MYT1L: variants seen among roughly 807,000 people sequenced by gnomAD.
MYT1L encodes myelin transcription factor 1 like.
A neutral mutation model predicts 126.7 loss-of-function variants in MYT1L; 12 were observed. The ratio of observed to expected loss-of-function variants is 0.09; its 90% CI spans 0.06 to 0.15. The LOEUF (loss-of-function observed/expected upper bound fraction) is 0.15. MYT1L is among the 10% of genes least tolerant of loss of function. The pLI is 1.00. For missense variants in MYT1L, 979 were observed against 1,585.2 expected (o/e 0.62, Z 6.49); for synonymous variants, 541 against 604.2 (o/e 0.90, Z 1.53).
chr2:1,803,028 AC>A (rs1453768665), intron 22 of MYT1L, among the ~76,000 whole-genome samples: 1 of 152,042 alleles, frequency 6.6e-6, no homozygotes, highest in East Asian at 1.9e-4. Context: ...CACCCCAAAA[AC>A]CCTGCTGACA....
chr2:2,175,408 C>T (rs17247345), intron 2 of MYT1L, among the ~76,000 whole-genome samples: 15,472 of 152,086 alleles, frequency 0.1, 828 homozygotes, highest in East Asian at 0.13. Context: ...ACCTGAATCA[C>T]ACCTGTAGGA....
chr2:1,838,716 T>G (rs1263782575), intron 21 of MYT1L, among the ~76,000 whole-genome samples: 2 of 152,234 alleles, frequency 1.3e-5, no homozygotes, highest in East Asian at 3.8e-4. Context: ...TGGGGTTTTT[T>G]GGGAATGTTC....
At chr2:1,845,486 C>T (rs1053357204) in intron 19 of MYT1L, among the ~76,000 whole-genome samples, 1 of 152,090 alleles carries the variant, frequency 6.6e-6, no homozygotes, top group Non-Finnish European at 1.5e-5. Flanking sequence ...GATGATGTCC[C>T]CCGGCTGCTT....
In MYT1L at chr2:1,979,868, A is replaced by C; in HGVS notation, c.1-91T>G. The C allele has an allele frequency of 7.7e-7, 1 of 1,301,286 alleles. No homozygotes were observed. The highest frequency in any genetic ancestry group is 1.5e-5 in the African/African-American group (1 of 68,814). 80.6% of individuals were successfully genotyped at this position (1,301,286 alleles called of 1,614,324 possible). A position where few individuals can be genotyped will look rare whatever the true frequency, so the allele number is the denominator to read the frequency against. On this transcript the variant is annotated intron_variant, in intron 5 of 24. Coordinates refer to ENST00000647738, the MANE Select transcript of MYT1L (RefSeq NM_001303052.2). The surrounding 1 kb of genome is among the most constrained non-coding windows in gnomAD (Gnocchi z 4.0). The stretch of plus-strand genomic sequence containing the variant: ...GCTCACTCTCCCTGGCATTCTATTA[A>C]TGGGGCTTTAATCCTGTTTCCCTCC...
At chr2:2,102,344 A>C (rs373437522) in intron 3 of MYT1L, among the ~76,000 whole-genome samples, 2 of 152,164 alleles carry the variant, frequency 1.3e-5, no homozygotes, top group African/African-American at 4.8e-5. Context: ...ACATAGGTAA[A>C]TTTTCTTTTC....
intron 3 of MYT1L, among the ~76,000 whole-genome samples, chr2:2,100,621 T>C (rs2077955224): frequency 6.6e-6 from 1 of 152,184 alleles, no homozygotes; most frequent in South Asian, 2.1e-4. Flanking sequence ...TTAATATTTC[T>C]TTCAGTTTTG....
intron 23 of MYT1L, among the ~76,000 whole-genome samples, chr2:1,796,115 G>A (rs1295549059): frequency 2.6e-5 from 4 of 152,216 alleles, no homozygotes; most frequent in Non-Finnish European, 5.9e-5. Flanking sequence ...ACCACGTGAC[G>A]CTGTGTTGAA....
intron 2 of MYT1L, among the ~76,000 whole-genome samples, chr2:2,220,251 A>G (rs979855976): frequency 7.2e-5 from 11 of 152,202 alleles, no homozygotes; most frequent in Admixed American, 5.9e-4. Flanking sequence ...TTAGGAAGAC[A>G]TGAGACATCA....
chr2:2,056,142 A>G, intron 3 of MYT1L, among the ~76,000 whole-genome samples: 1 of 152,208 alleles, frequency 6.6e-6, no homozygotes, highest in East Asian at 1.9e-4. Flanking sequence ...GCACATTCAC[A>G]AATCATGGAG....
intron 21 of MYT1L, chr2:1,810,044 G>C (rs1024566142): frequency 3.9e-5 from 6 of 152,012 alleles, no homozygotes; most frequent in Non-Finnish European, 7.4e-5. Context: ...GGACGTGCTG[G>C]TCAACTGGAG....
At chr2:1,892,762 C>T (rs2049079680) in intron 14 of MYT1L, among the ~76,000 whole-genome samples, 1 of 152,164 alleles carries the variant, frequency 6.6e-6, no homozygotes, top group Admixed American at 6.5e-5. Context: ...AACCTGGATC[C>T]GCGGTCCCTT....
At chr2:1,823,657 G>A (rs1380619889) in intron 21 of MYT1L, among the ~76,000 whole-genome samples, 2 of 150,510 alleles carry the variant, frequency 1.3e-5, no homozygotes, top group Non-Finnish European at 3.0e-5. Flanking sequence ...GAGGAGCAGC[G>A]ATGAGGCTGA....
At position 1,797,595 on chromosome 2, in the gene MYT1L, A is replaced by G. The variant is rs375198943; in HGVS notation, c.3276+4101T>C. Among the ~76,000 whole-genome samples, 3 of 152,220 alleles carry G rather than the reference A, an allele frequency of 2.0e-5. No individual in the cohort carries two copies. The East Asian group carries it at 5.8e-4, about 29-fold the overall frequency. On this transcript the variant is annotated intron_variant, in intron 23 of 24. Coordinates refer to ENST00000647738, the MANE Select transcript of MYT1L (RefSeq NM_001303052.2). ...GACTCTTCTTTTCAAGCTGCCAAGC[A>G]TAAGAATGGATTTTTCAGCCACATA...
At chr2:1,904,545 A>G (rs371484247) in intron 13 of MYT1L, among the ~76,000 whole-genome samples, 1 of 147,510 alleles carries the variant, frequency 6.8e-6, no homozygotes, top group Admixed American at 6.8e-5. Flanking sequence ...ATTTTTTTGC[A>G]TTTTCAGTGG....
chr2:1,797,353 A>C (rs1445532036), intron 23 of MYT1L, among the ~76,000 whole-genome samples: 1 of 152,078 alleles, frequency 6.6e-6, no homozygotes, highest in African/African-American at 2.4e-5. Context: ...CCTCCCGAGT[A>C]CCTGGGACTA....
chr2:1,910,655 CTG>C lies in MYT1L; in HGVS notation c.1710-310_1710-309del, dbSNP rs1201840177. On this transcript the variant is annotated intron_variant, in intron 12 of 24. Coordinates refer to ENST00000647738, the MANE Select transcript of MYT1L (RefSeq NM_001303052.2). The surrounding 1 kb of genome is among the most constrained non-coding windows in gnomAD (Gnocchi z 4.8). ...TTCGGGAGGACATAGCTGGTGAAAA[CTG>C]TAGACAGATTCCATTTCTGGAGATG... Among the ~76,000 whole-genome samples the C allele has an allele frequency of 4.6e-5, 7 of 152,132 alleles. No homozygotes were observed. The highest frequency in any genetic ancestry group is 1.7e-4 in the African/African-American group (7 of 41,414).
intron 2 of MYT1L, among the ~76,000 whole-genome samples, chr2:2,205,909 A>G (rs2093296523): frequency 6.6e-6 from 1 of 152,098 alleles, no homozygotes; most frequent in Non-Finnish European, 1.5e-5. Flanking sequence ...ATAACGTTTT[A>G]CATTATGGCA....
chr2:2,028,300 C>G (rs949362626), intron 4 of MYT1L, among the ~76,000 whole-genome samples: 3 of 152,184 alleles, frequency 2.0e-5, no homozygotes, highest in Non-Finnish European at 2.9e-5. Context: ...GTGGAAAGAG[C>G]AGGAGGCTGT....
intron 2 of MYT1L, among the ~76,000 whole-genome samples, chr2:2,274,851 T>C (rs2095327316): frequency 6.6e-6 from 1 of 152,094 alleles, no homozygotes; most frequent in Non-Finnish European, 1.5e-5. Flanking sequence ...AGAGGCTGAC[T>C]CAAGCCAGCC....
Sources: allele counts gnomAD v4.1 joint callset (sites outside exome capture counted in the v4.1 genomes callset), GRCh38; gene constraint gnomAD v4.1.1; non-coding constraint Gnocchi (gnomAD v3.1); transcripts MANE v1.5; gene names NCBI Gene and HGNC (gene_info 2026-07-23, HGNC 2026-07-21).